RNF170: variants seen among roughly 807,000 people sequenced by gnomAD.
RNF170 encodes the protein ring finger protein 170.
RNF170 carries 12 observed loss-of-function variants against 32.7 expected under a neutral mutation model. The ratio of observed to expected loss-of-function variants is 0.37; its 90% CI spans 0.24 to 0.60. The LOEUF (loss-of-function observed/expected upper bound fraction) is 0.60. RNF170 is among the 20% of genes least tolerant of loss of function. The pLI, the probability that RNF170 is intolerant of heterozygous loss-of-function variation, is 0.72. For missense variants in RNF170, 212 were observed against 311.2 expected, an observed-to-expected ratio of 0.68 and a Z score of 2.40; for synonymous variants, 91 against 103.6, an observed-to-expected ratio of 0.88 and a Z score of 0.74.
chr8:42,880,954 G>GTTTTTTTTTTTTTTTTTTTT (rs1293074755), intron 2 of RNF170, among the ~76,000 whole-genome samples: 1 of 152,080 alleles, frequency 6.6e-6, no homozygotes, highest in African/African-American at 2.4e-5. Flanking sequence ...TATGTACATT[G>GTTTTTTTTTTTTTTTTTTTT]TTTATTAGAC....
At chr8:42,851,076 C>T, downstream of RNF170, 5 of 1,530,046 alleles carry the variant, frequency 3.3e-6, no homozygotes, top group Admixed American at 9.9e-5. Flanking sequence ...TCCAAATCAA[C>T]AGCCTTCCTG....
At chr8:42,875,714 T>C (rs1804873183) in intron 2 of RNF170, among the ~76,000 whole-genome samples, 1 of 152,064 alleles carries the variant, frequency 6.6e-6, no homozygotes, top group African/African-American at 2.4e-5. Flanking sequence ...GTAGCTGGGA[T>C]TATGGGCACG....
chr8:42,893,213 AAGGTTATTAAATGTAT>A (rs1412656210), intron 1 of RNF170, among the ~76,000 whole-genome samples: 6 of 152,198 alleles, frequency 3.9e-5, no homozygotes, highest in Non-Finnish European at 7.3e-5. Context: ...ACCCAAAAAC[AAGGTTATTAAATGTAT>A]AGAACATGGG....
Position 42,878,800 on chromosome 8 carries a change from A to G in RNF170, c.138-4794T>C, listed in dbSNP as rs143362888. ...TTTCATAGCTAGAGAGGAGAAGTCA[A>G]TGCCTGTCTTCAAAGCTTCAAAGGC... is the stretch of plus-strand genomic sequence containing the variant. On this transcript the variant is annotated intron_variant, in intron 2 of 6. Transcript: ENST00000527424. Among the ~76,000 whole-genome samples the G allele has an allele frequency of 4.7e-3, 714 of 152,338 alleles. 11 individuals carry two copies. Among genetic ancestry groups the G allele is most frequent in the African/African-American group, 0.016 (680 of 41,580 alleles).
chr8:42,895,520 C>G (rs1806722605), intron 1 of RNF170, among the ~76,000 whole-genome samples: 1 of 152,198 alleles, frequency 6.6e-6, no homozygotes, highest in Non-Finnish European at 1.5e-5. Context: ...ATCGACAATT[C>G]TCTAAGGACT....
upstream of RNF170, chr8:42,896,748 A>AGCGGCGGCG (rs570533730): frequency 3.6e-3 from 523 of 145,750 alleles, 1 homozygote; most frequent in African/African-American, 6.6e-3. Flanking sequence ...GCCCGGCGGC[A>AGCGGCGGCG]GCGGCGGCGG....
intron 5 of RNF170, among the ~76,000 whole-genome samples, chr8:42,863,980 A>AGAGTGTGT (rs149654513): frequency 8.7e-4 from 122 of 139,582 alleles, no homozygotes; most frequent in African/African-American, 2.0e-3. Context: ...AGAGAGAGAG[A>AGAGTGTGT]GTGTGTGTGT....
At chr8:42,863,793 A>C (rs1803854498) in intron 5 of RNF170, among the ~76,000 whole-genome samples, 1 of 152,226 alleles carries the variant, frequency 6.6e-6, no homozygotes, top group Non-Finnish European at 1.5e-5. Flanking sequence ...CCAGAGAGGC[A>C]TATAGAAACA....
At chr8:42,853,079 T>C (rs1802985226), downstream of RNF170, among the ~76,000 whole-genome samples, 1 of 151,902 alleles carries the variant, frequency 6.6e-6, no homozygotes, top group Non-Finnish European at 1.5e-5. Context: ...TCAGCTATGA[T>C]TGTAACACTG....
At chr8:42,894,077 C>T (rs1483271681) in intron 1 of RNF170, among the ~76,000 whole-genome samples, 1 of 152,184 alleles carries the variant, frequency 6.6e-6, no homozygotes, top group Admixed American at 6.5e-5. Flanking sequence ...TCTTTTTACC[C>T]CAAGGCTTAC....
At chr8:42,876,394 G>T (rs1342534202) in intron 2 of RNF170, among the ~76,000 whole-genome samples, 4 of 151,766 alleles carry the variant, frequency 2.6e-5, no homozygotes, top group African/African-American at 7.2e-5. Flanking sequence ...CCTTTGGGAG[G>T]TAATTAGGTC....
At chr8:42,889,730 C>G (rs1806139939) in intron 1 of RNF170, among the ~76,000 whole-genome samples, 1 of 152,148 alleles carries the variant, frequency 6.6e-6, no homozygotes. Context: ...CACCAGGAAA[C>G]TCACAGAAAC....
At chr8:42,856,705 T>A (rs1365392301) in intron 6 of RNF170, among the ~76,000 whole-genome samples, 1 of 152,158 alleles carries the variant, frequency 6.6e-6, no homozygotes, top group South Asian at 2.1e-4. Flanking sequence ...AACATCTGAT[T>A]TGAGTTAGTA....
chr8:42,872,454 CTT>C (rs1487876427), intron 3 of RNF170, among the ~76,000 whole-genome samples: 2 of 152,044 alleles, frequency 1.3e-5, no homozygotes, highest in Non-Finnish European at 2.9e-5. Context: ...ACTATTCTGT[CTT>C]TTTTAGACGG....
intron 6 of RNF170, among the ~76,000 whole-genome samples, chr8:42,860,418 C>A (rs2128925444): frequency 6.6e-6 from 1 of 152,092 alleles, no homozygotes; most frequent in East Asian, 1.9e-4. Context: ...ATAAACATAT[C>A]CCTCCAAACT....
chr8:42,853,264 C>T (rs1563650292), downstream of RNF170: 1 of 1,065,164 alleles, frequency 9.4e-7, no homozygotes, highest in Admixed American at 3.9e-5. Flanking sequence ...TGAAAGCAAA[C>T]AACTGTTAAA....
At chr8:42,865,519 C>T (rs1178045167) in intron 4 of RNF170, 30 bp from the exon 5 acceptor site, 5 of 1,489,722 alleles carry the variant, frequency 3.4e-6, no homozygotes, top group Admixed American at 3.3e-5. Flanking sequence ...AAACACATAA[C>T]CCATTAATAT....
chr8:42,869,458 G>A (rs1199291436), intron 4 of RNF170, among the ~76,000 whole-genome samples: 1 of 152,138 alleles, frequency 6.6e-6, no homozygotes, highest in African/African-American at 2.4e-5. Flanking sequence ...TATGCTCTAG[G>A]ATTCTCATTC....
intron 2 of RNF170, among the ~76,000 whole-genome samples, chr8:42,874,567 C>G (rs1331603745): frequency 6.6e-6 from 1 of 151,604 alleles, no homozygotes; most frequent in African/African-American, 2.4e-5. Flanking sequence ...CATGGTGAAA[C>G]CCTGCCTTTA....
Sources: gnomAD v4.1 joint callset for allele counts (sites outside exome capture counted in the v4.1 genomes callset) on GRCh38, gnomAD v4.1.1 for gene constraint, MANE v1.5 for transcripts, NCBI Gene and HGNC (gene_info 2026-07-23, HGNC 2026-07-21) for gene names.